Variants in CPNE4 observed in about 807,000 individuals in gnomAD.
CPNE4 encodes copine-4.
CPNE4 carries 25 observed loss-of-function variants against 67.9 expected under a neutral mutation model. The observed-to-expected ratio is 0.37, with a 90% confidence interval of 0.27 to 0.51. The LOEUF is 0.51. Among genes scored for constraint, CPNE4 ranks in the 20% least tolerant of loss-of-function variants. The probability of loss-of-function intolerance (pLI) is 0.93; values close to 1 mark genes in which losing one functional copy is unlikely to be tolerated. For missense variants in CPNE4, 464 were observed against 690.8 expected, an observed-to-expected ratio of 0.67 and a Z score of 3.68; for synonymous variants, 242 against 244.9, an observed-to-expected ratio of 0.99 and a Z score of 0.11.
rs759253361 is a variant in CPNE4, at chr3:131,535,231, TG to T, written c.1637del (p.Ser546Ter). 1.9e-6 allele frequency: 3 copies of T among 1,613,636 alleles called. No individual in the cohort carries two copies. The East Asian group carries it at 6.7e-5, about 36-fold the overall frequency. ...GTGTTCTGGAAGATTCATACATTTCTGATGAACATTTTGGTTTAATTCCTTT... is the reference window on the plus strand; with the variant it reads ...GTGTTCTGGAAGATTCATACATTTCTATGAACATTTTGGTTTAATTCCTTT... ...NGKGIKPKCS[S>X]EMYESSRTLA... On this transcript the variant is annotated frameshift_variant, in exon 16 of 16. Coordinates refer to ENST00000429747, the MANE Select transcript of CPNE4 (RefSeq NM_130808.3). LOFTEE classifies it high-confidence loss of function.
chr3:131,535,273 C>T lies in CPNE4; in HGVS notation c.1596G>A (p.Val532=). 1 of 1,613,814 alleles carries T rather than the reference C, an allele frequency of 6.2e-7. No homozygotes were observed. The highest frequency in any genetic ancestry group is 2.2e-5 in the East Asian group (1 of 44,850). ...SVLAEVPNQV[V]DYYNGKGIKP... ...TAATTCCTTTGCCATTGTAATAGTC[C>T]ACAACTTGGTTTGGGACTTCAGCCA... The change falls in exon 16 of 16, where the codon GTG becomes GTA. Residue 532 remains valine, a synonymous_variant. Transcript: ENST00000429747.
At chr3:131,536,041 T>TCATAGG (rs1250450215) in intron 15 of CPNE4, among the ~76,000 whole-genome samples, 6 of 152,114 alleles carry the variant, frequency 3.9e-5, no homozygotes, top group Non-Finnish European at 5.9e-5. Context: ...CATTTGACCA[T>TCATAGG]CATAGGCATA....
At chr3:131,887,512 G>T (rs1245889578) in intron 2 of CPNE4, among the ~76,000 whole-genome samples, 1 of 152,160 alleles carries the variant, frequency 6.6e-6, no homozygotes, top group African/African-American at 2.4e-5. Context: ...AGGCTGTATT[G>T]TGAGGAATCA....
At chr3:131,980,458 AT>A (rs2072877491) in intron 1 of CPNE4, among the ~76,000 whole-genome samples, 3 of 151,956 alleles carry the variant, frequency 2.0e-5, no homozygotes, top group Admixed American at 6.5e-5. Context: ...TGAGCTCTAA[AT>A]TTTTTTCTTC....
At position 131,895,009 on chromosome 3, in the gene CPNE4, C is replaced by G. The variant is rs141345357; in HGVS notation, c.180+10255G>C. On this transcript the variant is annotated intron_variant, in intron 2 of 15. Coordinates refer to ENST00000429747, the MANE Select transcript of CPNE4 (RefSeq NM_130808.3). ...GATAAGATAGTGTGATATATTTGCA[C>G]AACAGAATACTATCTAGCCATAGAA... is the stretch of plus-strand genomic sequence containing the variant. Among the ~76,000 whole-genome samples, 730 of 152,090 alleles carry G rather than the reference C, an allele frequency of 4.8e-3. 8 individuals carry two copies. Among genetic ancestry groups the G allele is most frequent in the African/African-American group, 0.016 (685 of 41,532 alleles).
chr3:131,881,933 C>T (rs13318757), intron 2 of CPNE4, among the ~76,000 whole-genome samples: 42,538 of 152,048 alleles, frequency 0.28, 7,254 homozygotes, highest in Non-Finnish European at 0.37. Context: ...AAGATTTCTC[C>T]ATGGAGCTGT....
chr3:131,573,555 C>T (rs1937440239), intron 10 of CPNE4, among the ~76,000 whole-genome samples: 1 of 152,042 alleles, frequency 6.6e-6, no homozygotes, highest in South Asian at 2.1e-4. Flanking sequence ...CAGAGTTGTT[C>T]AAGAGCATGG....
chr3:131,688,567 C>T (rs1474674883), intron 5 of CPNE4, among the ~76,000 whole-genome samples: 1 of 152,172 alleles, frequency 6.6e-6, no homozygotes, highest in Non-Finnish European at 1.5e-5. Flanking sequence ...TTGGGCTCCT[C>T]CTGTAACTTC....
intron 1 of CPNE4, among the ~76,000 whole-genome samples, chr3:131,963,357 AC>A (rs1410312431): frequency 6.7e-6 from 1 of 149,778 alleles, no homozygotes; most frequent in South Asian, 2.1e-4. Flanking sequence ...TTTTTTTCAT[AC>A]CCCAGTGGCA....
chr3:131,980,523 G>T (rs1455395969), intron 1 of CPNE4, among the ~76,000 whole-genome samples: 2 of 151,866 alleles, frequency 1.3e-5, no homozygotes, highest in Admixed American at 1.3e-4. Flanking sequence ...ATTTCTAAAA[G>T]TGTGCTCAAA....
chr3:131,961,738 T>G (rs1461149), intron 1 of CPNE4, among the ~76,000 whole-genome samples: 38,386 of 152,122 alleles, frequency 0.25, 5,342 homozygotes, highest in Non-Finnish European at 0.31. Context: ...GGTCCCACAT[T>G]ACAATCCTCA....
At chr3:131,704,011 A>T (rs1354422191) in intron 3 of CPNE4, among the ~76,000 whole-genome samples, 1 of 152,240 alleles carries the variant, frequency 6.6e-6, no homozygotes, top group Non-Finnish European at 1.5e-5. Flanking sequence ...GGACTTCAAC[A>T]GAGCTTTAGT....
chr3:132,020,157 T>C (rs1229126050), intron 1 of CPNE4, among the ~76,000 whole-genome samples: 1 of 152,178 alleles, frequency 6.6e-6, no homozygotes, highest in Non-Finnish European at 1.5e-5. Flanking sequence ...TGTGAAGGGC[T>C]TTCCCCCTCC....
intron 2 of CPNE4, among the ~76,000 whole-genome samples, chr3:131,731,980 C>T (rs751987008): frequency 9.9e-5 from 15 of 151,976 alleles, no homozygotes; most frequent in Non-Finnish European, 1.9e-4. Context: ...GTGGGGGTGG[C>T]GGGGAACCAA....
At chr3:131,625,118 T>G (rs570630284) in intron 7 of CPNE4, among the ~76,000 whole-genome samples, 4 of 152,058 alleles carry the variant, frequency 2.6e-5, no homozygotes, top group Middle Eastern at 3.4e-3. Flanking sequence ...CTTGCCAGGG[T>G]CTCATATATA....
intron 9 of CPNE4, among the ~76,000 whole-genome samples, chr3:131,577,956 G>A (rs1203623043): frequency 6.6e-6 from 1 of 152,084 alleles, no homozygotes; most frequent in East Asian, 1.9e-4. Flanking sequence ...TTACAGTGGG[G>A]TTACATGCTA....
At chr3:131,655,488 G>A (rs1022418397) in intron 7 of CPNE4, among the ~76,000 whole-genome samples, 1 of 152,238 alleles carries the variant, frequency 6.6e-6, no homozygotes, top group Admixed American at 6.5e-5. Context: ...CTGCAGGGCA[G>A]ATGAGCTAGA....
chr3:131,963,353 T>C (rs2072240613), intron 1 of CPNE4, among the ~76,000 whole-genome samples: 1 of 151,936 alleles, frequency 6.6e-6, no homozygotes, highest in Non-Finnish European at 1.5e-5. Flanking sequence ...TTTTTTTTTT[T>C]CATACCCCAG....
At chr3:131,740,235 AG>A (rs1292813282) in intron 2 of CPNE4, among the ~76,000 whole-genome samples, 9 of 152,206 alleles carry the variant, frequency 5.9e-5, no homozygotes, top group African/African-American at 2.2e-4. Flanking sequence ...TCTATGTATA[AG>A]GAAATGTCTG....
Sources: gnomAD v4.1 joint callset for allele counts (sites outside exome capture counted in the v4.1 genomes callset) on GRCh38, gnomAD v4.1.1 for gene constraint, MANE v1.5 for transcripts, NCBI Gene and HGNC (gene_info 2026-07-23, HGNC 2026-07-21) for gene names.